The following OXNAD1 variants were observed in gnomAD, a reference collection of about 807,000 sequenced individuals.
The protein encoded by OXNAD1 is oxidoreductase NAD binding domain containing 1, also known as oxidoreductase NAD-binding domain-containing protein 1.
A neutral mutation model predicts 32.9 loss-of-function variants in OXNAD1; 34 were observed. That is an observed-to-expected ratio of 1.03 (90% CI 0.79 to 1.38). The LOEUF (loss-of-function observed/expected upper bound fraction) is 1.38, where lower values mean the gene tolerates loss of function less well. OXNAD1 is among the 40% of genes most tolerant of loss of function. OXNAD1 has a pLI of 0.00. For missense variants in OXNAD1, 407 were observed against 379.4 expected (o/e 1.07, Z -0.60); for synonymous variants, 134 against 135.2 (o/e 0.99, Z 0.06).
At chr3:16,267,777 G>A (rs887314782) in intron 1 of OXNAD1, among the ~76,000 whole-genome samples, 1 of 152,146 alleles carries the variant, frequency 6.6e-6, no homozygotes, top group Non-Finnish European at 1.5e-5. Flanking sequence ...AGGGCCTTGC[G>A]TCTGGTTCTT....
exon 10 of OXNAD1, chr3:16,350,130 T>C (rs971066098): frequency 1.3e-5 from 2 of 152,234 alleles, no homozygotes; most frequent in Non-Finnish European, 2.9e-5. Flanking sequence ...AAATTAACCA[T>C]CACAGGACAA....
Position 16,298,102 on chromosome 3 carries a change from A to G in OXNAD1, c.432+3105A>G, listed in dbSNP as rs915165254. ...GTGTAGGCATTTCCATTGTAAATGTATCCTGTCACATTTTTACCCTGCAAC... is the reference window on the plus strand; with the variant it reads ...GTGTAGGCATTTCCATTGTAAATGTGTCCTGTCACATTTTTACCCTGCAAC... On this transcript the variant is annotated intron_variant, in intron 6 of 8. Coordinates refer to ENST00000285083, the MANE Select transcript of OXNAD1 (RefSeq NM_138381.5). The surrounding 1 kb of genome is among the most constrained non-coding windows in gnomAD (Gnocchi z 5.1). 6.6e-6 allele frequency among the ~76,000 whole-genome samples: 1 copy of G among 152,056 alleles called. No homozygotes were observed. Among genetic ancestry groups the G allele is most frequent in the Non-Finnish European group, 1.5e-5 (1 of 68,022 alleles).
At chr3:16,351,816 C>A (rs2072123772), downstream of OXNAD1, among the ~76,000 whole-genome samples, 1 of 152,104 alleles carries the variant, frequency 6.6e-6, no homozygotes, top group Non-Finnish European at 1.5e-5. This position sits in a 1 kb window ranked among gnomAD's most constrained non-coding sequence, Gnocchi z 5.4. Context: ...CAGCAAAGAA[C>A]AATCACTAAA....
downstream of OXNAD1, among the ~76,000 whole-genome samples, chr3:16,310,998 A>AG (rs2067938473): frequency 7.0e-6 from 1 of 143,034 alleles, no homozygotes; most frequent in African/African-American, 2.8e-5. Flanking sequence ...CTCCAAAAAA[A>AG]AAAAAAAAAA....
At chr3:16,292,560 A>AT (rs199743702) in intron 5 of OXNAD1, among the ~76,000 whole-genome samples, 4,335 of 151,598 alleles carry the variant, frequency 0.029, 98 homozygotes, top group Middle Eastern at 0.082. Flanking sequence ...CTGTTTCTCT[A>AT]TTTTTTTTCC....
intron 5 of OXNAD1, among the ~76,000 whole-genome samples, chr3:16,294,553 C>T (rs539458325): frequency 1.3e-5 from 2 of 152,266 alleles, no homozygotes; most frequent in South Asian, 2.1e-4. Context: ...ATTATTAACT[C>T]AATCCTTTAA....
intron 9 of OXNAD1, among the ~76,000 whole-genome samples, chr3:16,313,951 C>G (rs1367373015): frequency 1.3e-5 from 2 of 152,138 alleles, no homozygotes; most frequent in South Asian, 2.1e-4. Flanking sequence ...GCCAGTGGTG[C>G]TAAACTTCAC....
Position 16,322,382 on chromosome 3 carries a change from G to C in OXNAD1, c.*31-14730G>C, listed in dbSNP as rs2069168863. 6.6e-6 allele frequency among the ~76,000 whole-genome samples: 1 copy of C among 152,188 alleles called. No homozygotes were observed. Among genetic ancestry groups the C allele is most frequent in the African/African-American group, 2.4e-5 (1 of 41,442 alleles). Reference sequence around the variant, plus strand: ...GCTGCTCCAATCTGTTCATTTACTTGATGCTCCTTCCCAGGGCTCTGTGTC... The same window carrying C: ...GCTGCTCCAATCTGTTCATTTACTTCATGCTCCTTCCCAGGGCTCTGTGTC... On this transcript the variant is annotated intron_variant, in intron 9 of 9. Transcript: ENST00000435829. This position sits in a 1 kb window ranked among gnomAD's most constrained non-coding sequence, Gnocchi z 6.2.
chr3:16,269,355 G>A, intron 2 of OXNAD1, 80 bp downstream of exon 2: 2 of 1,453,270 alleles, frequency 1.4e-6, no homozygotes, highest in South Asian at 1.2e-5. Context: ...ACTACGTTTA[G>A]TGGTCTTGAA....
rs1369096471 is a variant in OXNAD1 at position 16,299,218 on chromosome 3, G to A, written c.433-2408G>A. Among the ~76,000 whole-genome samples, 3 of 152,194 alleles carry A rather than the reference G, an allele frequency of 2.0e-5. No individual in the cohort carries two copies. The East Asian group carries it at 5.8e-4, about 29-fold the overall frequency. ...GATTCTTATAGATAAAGAGAGAACT[G>A]CACAGGCAAGCAAGAGAGGGAGGGA... On this transcript the variant is annotated intron_variant, in intron 6 of 8. Coordinates refer to ENST00000285083, the MANE Select transcript of OXNAD1 (RefSeq NM_138381.5). The surrounding 1 kb of genome is among the most constrained non-coding windows in gnomAD (Gnocchi z 4.4).
rs2070758719 is a variant in OXNAD1, at chr3:16,335,535, C to G, written c.*31-1577C>G. ...AACAGAAAATCAAACACCACATGTT[C>G]TCACTTACAAGTGGGAGAGCTGAAC... On this transcript the variant is annotated intron_variant, in intron 9 of 9. Coordinates refer to the OXNAD1 transcript ENST00000435829. The surrounding 1 kb of genome is among the most constrained non-coding windows in gnomAD (Gnocchi z 4.7). Among the ~76,000 whole-genome samples the G allele has an allele frequency of 6.6e-6, 1 of 152,190 alleles. No homozygotes were observed. Among genetic ancestry groups the G allele is most frequent in the African/African-American group, 2.4e-5 (1 of 41,444 alleles).
downstream of OXNAD1, among the ~76,000 whole-genome samples, chr3:16,310,598 C>T (rs543029349): frequency 1.3e-5 from 2 of 152,270 alleles, no homozygotes; most frequent in South Asian, 4.1e-4. Flanking sequence ...AATATCTCTA[C>T]TCTTTCTTCA....
downstream of OXNAD1, among the ~76,000 whole-genome samples, chr3:16,309,163 C>A (rs906620415): frequency 6.6e-6 from 1 of 152,146 alleles, no homozygotes; most frequent in Non-Finnish European, 1.5e-5. Context: ...ACTTCAAATT[C>A]TTGCTATATA....
chr3:16,324,310 T>C (rs771323033), intron 9 of OXNAD1, among the ~76,000 whole-genome samples: 35 of 152,222 alleles, frequency 2.3e-4, no homozygotes, highest in Non-Finnish European at 4.4e-4. Flanking sequence ...GCTACTCTTT[T>C]AGGAACTGTA....
Position 16,271,007 on chromosome 3 carries a change from A to G in OXNAD1, c.55A>G (p.Ile19Val). 1.2e-6 allele frequency: 2 copies of G among 1,614,198 alleles called. No homozygotes were observed. The highest frequency in any genetic ancestry group is 1.1e-5 in the South Asian group (1 of 91,088). The change falls in exon 3 of 9, where the codon ATC becomes GTC. Residue 19 changes from isoleucine (I) to valine (V), a missense_variant. Ile to Val is a conservative substitution (Grantham distance 29). Transcript: ENST00000285083. This position sits in a 1 kb window ranked among gnomAD's most constrained non-coding sequence, Gnocchi z 4.6. ...PGLLRCSVGA[I>V]RIEAASLRLT... Reference sequence around the variant, plus strand: ...GTTGTTGCGGTGCTCTGTTGGAGCCATCCGTATTGAGGCTGCGTCACTGAG... The same window carrying G: ...GTTGTTGCGGTGCTCTGTTGGAGCCGTCCGTATTGAGGCTGCGTCACTGAG...
chr3:16,311,773 G>T (rs1181840055), intron 9 of OXNAD1, among the ~76,000 whole-genome samples: 2 of 152,016 alleles, frequency 1.3e-5, no homozygotes, highest in African/African-American at 4.8e-5. Context: ...TCCTCATTCA[G>T]CAGCCAGAAA....
At chr3:16,308,137 T>TA (rs1214658965), downstream of OXNAD1, among the ~76,000 whole-genome samples, 1 of 152,200 alleles carries the variant, frequency 6.6e-6, no homozygotes, top group Non-Finnish European at 1.5e-5. This position sits in a 1 kb window ranked among gnomAD's most constrained non-coding sequence, Gnocchi z 4.4. Context: ...TATTTTTTTG[T>TA]AAGTCTAAGT....
downstream of OXNAD1, chr3:16,339,264 A>G (rs1455373233): frequency 1.3e-5 from 2 of 152,242 alleles, no homozygotes; most frequent in African/African-American, 2.4e-5. Flanking sequence ...TCATGTTGCT[A>G]TGGCTACCAC....
rs1199438867 is a variant in OXNAD1, at chr3:16,345,256, G to C, written c.*31-3920G>C. On this transcript the variant is annotated intron_variant, in intron 9 of 9. Coordinates refer to the OXNAD1 transcript ENST00000606098. The surrounding 1 kb of genome is among the most constrained non-coding windows in gnomAD (Gnocchi z 5.2). ...GCCCACAGAAACTGTAAGATAATAAGTAGGTGGTTGTGTGTGTGTGTGTGT... is the reference window on the plus strand; with the variant it reads ...GCCCACAGAAACTGTAAGATAATAACTAGGTGGTTGTGTGTGTGTGTGTGT... 1 of 132,088 alleles carries C rather than the reference G, an allele frequency of 7.6e-6. No homozygotes were observed. Among genetic ancestry groups the C allele is most frequent in the Non-Finnish European group, 1.6e-5 (1 of 61,884 alleles). The allele number at this position is 132,088 out of a possible 1,614,324, so 8.2% of individuals were successfully genotyped here.
Sources: allele counts gnomAD v4.1 joint callset (sites outside exome capture counted in the v4.1 genomes callset), GRCh38; gene constraint gnomAD v4.1.1; non-coding constraint Gnocchi (gnomAD v3.1); transcripts MANE v1.5; gene names NCBI Gene and HGNC (gene_info 2026-07-23, HGNC 2026-07-21).